LBP: variants seen among roughly 807,000 people sequenced by gnomAD.
LBP encodes the protein lipopolysaccharide-binding protein.
A neutral mutation model predicts 56.6 loss-of-function variants in LBP; 53 were observed. The ratio of observed to expected loss-of-function variants is 0.94; its 90% CI spans 0.75 to 1.18. LBP has a LOEUF of 1.18. Ranked by LOEUF, LBP falls within the 50% of genes most tolerant of loss-of-function variation. The probability of loss-of-function intolerance (pLI) is 0.00; values close to 1 mark genes in which losing one functional copy is unlikely to be tolerated. For missense variants in LBP, 601 were observed against 598.3 expected, an observed-to-expected ratio of 1.00 and a Z score of -0.05; for synonymous variants, 227 against 247.5, an observed-to-expected ratio of 0.92 and a Z score of 0.78.
chr20:38,362,888 C>T (rs1454426086), intron 6 of LBP, among the ~76,000 whole-genome samples: 9 of 151,998 alleles, frequency 5.9e-5, no homozygotes, highest in African/African-American at 1.5e-4. Flanking sequence ...GTCAAGGCAG[C>T]GGTGGGCTGA....
Position 38,354,369 on chromosome 20 carries a change from C to T in LBP, c.454C>T (p.Pro152Ser). 6.2e-7 allele frequency: 1 copy of T among 1,613,656 alleles called. No individual in the cohort carries two copies. The highest frequency in any genetic ancestry group is 1.7e-5 in the Admixed American group (1 of 59,998). Residue 152 changes from proline (P) to serine (S), a missense_variant, in exon 4 of 15, where the codon CCC becomes TCC. By Grantham distance (74) the Pro-to-Ser change is moderately conservative. Coordinates refer to ENST00000217407, the MANE Select transcript of LBP (RefSeq NM_004139.5). ...LLLGSESSGRPTVTASSCSSD... is the reference protein window; with the variant it reads ...LLLGSESSGRSTVTASSCSSD... The stretch of plus-strand genomic sequence containing the variant: ...GTTGGGCAGCGAGTCCTCCGGGAGG[C>T]CCACAGTTACTGCCTCCAGCTGCAG...
At chr20:38,368,867 C>A in intron 9 of LBP, 128 bp from the exon 10 acceptor site, 2 of 920,194 alleles carry the variant, frequency 2.2e-6, no homozygotes, top group Non-Finnish European at 3.4e-6. Context: ...GAGAAAAAGG[C>A]ACAGAGAATT....
intron 9 of LBP, 50 bp from the exon 10 acceptor site, chr20:38,368,945 A>G: frequency 6.3e-7 from 1 of 1,581,968 alleles, no homozygotes; most frequent in Non-Finnish European, 8.7e-7. Context: ...CTCTCCTGGC[A>G]GACTTGTATA....
chr20:38,349,582 G>A lies in LBP; in HGVS notation c.159G>A (p.Glu53=). 1 of 1,611,198 alleles carries A rather than the reference G, an allele frequency of 6.2e-7. No individual in the cohort carries two copies. Among genetic ancestry groups the A allele is most frequent in the South Asian group, 1.1e-5 (1 of 90,242 alleles). Reference sequence around the variant, plus strand: ...AGGGGCTATTAGCTCTGCAGAGTGAGCTGCTCAGGATCACGCTGCCTGACT... The same window carrying A: ...AGGGGCTATTAGCTCTGCAGAGTGAACTGCTCAGGATCACGCTGCCTGACT... ...AQEGLLALQS[E]LLRITLPDFT... The change falls in exon 2 of 15, where the codon GAG becomes GAA. Residue 53 remains glutamate (E), a synonymous_variant. Transcript: ENST00000217407.
chr20:38,376,776 C>T lies in LBP; in HGVS notation c.*107C>T. The T allele has an allele frequency of 8.8e-7, 1 of 1,139,248 alleles. No homozygotes were observed. 70.6% of individuals were successfully genotyped at this position (1,139,248 alleles called of 1,614,324 possible). A position where few individuals can be genotyped will look rare whatever the true frequency, so the allele number is the denominator to read the frequency against. ...TGAAGAATGAAGACATTTCTGCTCTCAGCTCCGGGGGTGAGGTGTGCCTGG... is the reference window on the plus strand; with the variant it reads ...TGAAGAATGAAGACATTTCTGCTCTTAGCTCCGGGGGTGAGGTGTGCCTGG... On this transcript the variant is annotated 3_prime_UTR_variant, in exon 15 of 15. Coordinates refer to ENST00000217407, the MANE Select transcript of LBP (RefSeq NM_004139.5).
chr20:38,368,734 A>G (rs1568834944), intron 9 of LBP, among the ~76,000 whole-genome samples: 1 of 152,228 alleles, frequency 6.6e-6, no homozygotes, highest in African/African-American at 2.4e-5. Context: ...CCTGGAGACA[A>G]CTTGATGCCC....
intron 6 of LBP, among the ~76,000 whole-genome samples, chr20:38,363,737 T>TGC (rs1555844822): frequency 2.4e-4 from 36 of 151,860 alleles, no homozygotes; most frequent in Non-Finnish European, 3.4e-4. Flanking sequence ...TGTGTGTGTG[T>TGC]GCTTGTCTGG....
chr20:38,350,564 G>A (rs2076816883), intron 2 of LBP, among the ~76,000 whole-genome samples: 1 of 152,142 alleles, frequency 6.6e-6, no homozygotes, highest in African/African-American at 2.4e-5. Flanking sequence ...CCTTCCTCAA[G>A]GTTCTATTTC....
chr20:38,363,340 G>C (rs1276302975), intron 6 of LBP, among the ~76,000 whole-genome samples: 2 of 152,152 alleles, frequency 1.3e-5, no homozygotes, highest in Non-Finnish European at 2.9e-5. Flanking sequence ...TATTTAATAA[G>C]TCCCCCACTG....
chr20:38,371,580 A>G (rs944051725), intron 12 of LBP, among the ~76,000 whole-genome samples: 5 of 152,250 alleles, frequency 3.3e-5, no homozygotes, highest in Non-Finnish European at 7.3e-5. Flanking sequence ...AATTGAAATC[A>G]TCTTAAGCAA....
chr20:38,365,703 A>T (rs2076878263), intron 8 of LBP, among the ~76,000 whole-genome samples: 5 of 64,632 alleles, frequency 7.7e-5, no homozygotes, highest in African/African-American at 3.4e-4. Flanking sequence ...TCTCAAAAAA[A>T]AAAAAAAAAA....
At chr20:38,354,179 C>T (rs1266112052) in intron 3 of LBP, 105 bp from the exon 4 acceptor site, 2 of 870,104 alleles carry the variant, frequency 2.3e-6, no homozygotes, top group East Asian at 2.6e-5. Flanking sequence ...AATCTCTGCT[C>T]AGCTCCATGT....
At position 38,368,636 on chromosome 20, in the gene LBP, T is replaced by C. The variant is rs538413956; in HGVS notation, c.982-359T>C. Among the ~76,000 whole-genome samples the C allele has an allele frequency of 2.2e-4, 33 of 152,234 alleles. 1 individual carries two copies. The highest frequency in any genetic ancestry group is 7.9e-4 in the African/African-American group (33 of 41,534). On this transcript the variant is annotated intron_variant, in intron 9 of 14. Coordinates refer to ENST00000217407, the MANE Select transcript of LBP (RefSeq NM_004139.5). ...CAAAAAAAGAAAGCATTGCTGTCCTTCAACCCAGCAACTCCACCTCTAGGA... is the reference window on the plus strand; with the variant it reads ...CAAAAAAAGAAAGCATTGCTGTCCTCCAACCCAGCAACTCCACCTCTAGGA...
At chr20:38,363,947 C>G (rs751353083) in intron 6 of LBP, 28 bp from the exon 7 acceptor site, 23 of 1,541,658 alleles carry the variant, frequency 1.5e-5, no homozygotes, top group Non-Finnish European at 1.8e-5. Flanking sequence ...TCATCTGGCC[C>G]CTAATTCTGC....
intron 8 of LBP, among the ~76,000 whole-genome samples, chr20:38,365,728 A>G (rs2076879557): frequency 7.5e-6 from 1 of 132,694 alleles, no homozygotes; most frequent in Admixed American, 7.5e-5. Flanking sequence ...ATATATATAT[A>G]TATATATATA....
At chr20:38,364,533 A>T in intron 7 of LBP, 43 bp from the exon 8 acceptor site, 1 of 1,602,518 alleles carries the variant, frequency 6.2e-7, no homozygotes, top group South Asian at 1.1e-5. Context: ...CTGCCCCACG[A>T]TAGGCTTTGA....
At chr20:38,350,993 A>G in intron 3 of LBP, 54 bp downstream of exon 3, 1 of 1,592,174 alleles carries the variant, frequency 6.3e-7, no homozygotes, top group Non-Finnish European at 8.6e-7. Flanking sequence ...CCTTCGCCCC[A>G]TCCTTCTTAG....
intron 6 of LBP, 58 bp downstream of exon 6, chr20:38,360,825 T>C: frequency 7.9e-7 from 1 of 1,266,268 alleles, no homozygotes; most frequent in South Asian, 1.3e-5. Flanking sequence ...TATAAGAGCA[T>C]ATATATATCT....
chr20:38,370,511 C>G (rs1255362229), intron 10 of LBP, among the ~76,000 whole-genome samples: 2 of 152,108 alleles, frequency 1.3e-5, no homozygotes, highest in Non-Finnish European at 2.9e-5. Flanking sequence ...CAAAGTTTAA[C>G]TGCTAACATA....
Sources: allele counts gnomAD v4.1 joint callset (sites outside exome capture counted in the v4.1 genomes callset), GRCh38; gene constraint gnomAD v4.1.1; transcripts MANE v1.5; gene names NCBI Gene and HGNC (gene_info 2026-07-23, HGNC 2026-07-21).